Variants in APOH observed in about 807,000 individuals in gnomAD.
APOH encodes apolipoprotein H, also known as beta-2-glycoprotein 1.
In APOH, 48 loss-of-function variants were observed where a neutral mutation model predicts 39.8. The observed-to-expected ratio is 1.21, with a 90% CI of 0.96 to 1.54. The LOEUF (loss-of-function observed/expected upper bound fraction) is 1.54. Ranked by LOEUF, APOH falls within the 40% of genes most tolerant of loss-of-function variation. APOH has a pLI of 0.00. For synonymous variants in APOH, 153 were observed against 151.1 expected (o/e 1.01, Z -0.09); for missense variants, 415 against 421.2 (o/e 0.99, Z 0.13).
Position 66,224,675 on chromosome 17 carries a change from AGGGAAG to A in APOH, c.339-907_339-902del, listed in dbSNP as rs2073426128. 5.0e-4 allele frequency among the ~76,000 whole-genome samples: 24 copies of A among 47,608 alleles called. 2 individuals carry two copies. Among genetic ancestry groups the A allele is most frequent in the African/African-American group, 2.6e-3 (24 of 9,228 alleles). The allele number at this position is 47,608 out of a possible 152,430, so 31.2% of individuals were successfully genotyped here. A position where few individuals can be genotyped will look rare whatever the true frequency, so the allele number is the denominator to read the frequency against. On this transcript the variant is annotated intron_variant, in intron 3 of 7. Transcript: ENST00000205948. ...AGGGAAGGGAAGGGAAGGGAAGGGA[AGGGAAG>A]GGAAGGGAAGGGAAAGGAAAGGAAA...
At chr17:66,220,772 G>T in intron 4 of APOH, 30 bp from the exon 5 acceptor site, 1 of 1,561,428 alleles carries the variant, frequency 6.4e-7, no homozygotes, top group Non-Finnish European at 8.7e-7. Context: ...TCATTTCTAT[G>T]AAAATAGTTA....
intron 6 of APOH, among the ~76,000 whole-genome samples, chr17:66,215,672 G>T (rs2073360864): frequency 6.6e-6 from 1 of 152,106 alleles, no homozygotes; most frequent in Non-Finnish European, 1.5e-5. Context: ...GGCTGTTGTT[G>T]TTCTTTACTT....
In APOH at chr17:66,220,758, A is replaced by G; in HGVS notation, c.416-16T>C. On this transcript the variant is annotated splice_polypyrimidine_tract_variant and intron_variant, in intron 4 of 7. Transcript: ENST00000205948. The stretch of plus-strand genomic sequence containing the variant: ...CAGATGATGGCTGGGAAAATAAAGA[A>G]CTATCATTTCTATGAAAATAGTTAA... The G allele has an allele frequency of 1.3e-6, 2 of 1,591,322 alleles. No homozygotes were observed. Among genetic ancestry groups the G allele is most frequent in the South Asian group, 1.1e-5 (1 of 88,948 alleles).
At chr17:66,220,865 A>T (rs2073394151) in intron 4 of APOH, 123 bp from the exon 5 acceptor site, 1 of 1,067,842 alleles carries the variant, frequency 9.4e-7, no homozygotes, top group Non-Finnish European at 1.3e-6. Context: ...TCAAATTAGC[A>T]GGGTAAAAAT....
chr17:66,225,109 C>A (rs971327856), intron 3 of APOH, among the ~76,000 whole-genome samples: 1 of 151,778 alleles, frequency 6.6e-6, no homozygotes, highest in Non-Finnish European at 1.5e-5. Flanking sequence ...GTCTTCGAAG[C>A]CAATTTTCTT....
intron 6 of APOH, among the ~76,000 whole-genome samples, chr17:66,216,578 G>C (rs1450814845): frequency 6.6e-6 from 1 of 152,056 alleles, no homozygotes; most frequent in Non-Finnish European, 1.5e-5. Context: ...GCTTACAAAG[G>C]ATCTGTTTAT....
intron 4 of APOH, among the ~76,000 whole-genome samples, chr17:66,222,555 A>G (rs2073408836): frequency 6.9e-6 from 1 of 144,108 alleles, no homozygotes; most frequent in African/African-American, 2.6e-5. Flanking sequence ...AAATTGCTTT[A>G]CTTTCCACTT....
intron 4 of APOH, among the ~76,000 whole-genome samples, chr17:66,221,247 GAA>G (rs1429085210): frequency 1.6e-5 from 2 of 127,522 alleles, no homozygotes; most frequent in Non-Finnish European, 3.3e-5. Context: ...AAGACAGAAA[GAA>G]AGAGAGAGAG....
In APOH at chr17:66,217,351, C is replaced by CCA. The variant is rs2073372018; in HGVS notation, c.605-385_605-384insTG. On this transcript the variant is annotated intron_variant, in intron 5 of 7. Transcript: ENST00000205948. Reference sequence around the variant, plus strand: ...TTAAAATGCAAAGACTGAACCCCCCCCCCCATTCACACTTAGTACACCATT... The same window carrying CCA: ...TTAAAATGCAAAGACTGAACCCCCCCCACCCCATTCACACTTAGTACACCATT... Among the ~76,000 whole-genome samples the CCA allele has an allele frequency of 2.8e-5, 4 of 145,316 alleles. No homozygotes were observed. The South Asian group carries it at 9.5e-4, about 34-fold the overall frequency.
intron 2 of APOH, among the ~76,000 whole-genome samples, chr17:66,226,891 A>AT (rs1314489486): frequency 1.3e-3 from 128 of 96,646 alleles, no homozygotes; most frequent in African/African-American, 6.9e-3. Context: ...TTATTTATTT[A>AT]TTTATTTTTT....
chr17:66,226,930 C>T (rs1010145963), intron 2 of APOH, among the ~76,000 whole-genome samples: 6 of 151,424 alleles, frequency 4.0e-5, no homozygotes, highest in African/African-American at 1.2e-4. Context: ...ACTCTGCTGC[C>T]CAGGCTGGAG....
intron 7 of APOH, among the ~76,000 whole-genome samples, chr17:66,213,337 C>T (rs1437859992): frequency 2.6e-5 from 4 of 152,240 alleles, no homozygotes; most frequent in African/African-American, 9.6e-5. Context: ...TTATCTCACA[C>T]AAACCTGGTA....
chr17:66,220,728 G>A lies in APOH; in HGVS notation c.430C>T (p.Pro144Ser). The A allele has an allele frequency of 1.9e-6, 3 of 1,607,738 alleles. No individual in the cohort carries two copies. The highest frequency in any genetic ancestry group is 2.6e-6 in the Non-Finnish European group (3 of 1,174,864). ...GTTGCAAACGTAGGTATGGATGGTG[G>A]AGGGCAGATGATGGCTGGGAAAATA... ...LPVCAPIICP[P>S]PSIPTFATLR... Residue 144 changes from proline (P) to serine (S), a missense_variant, in exon 5 of 8, where the codon CCA (proline) becomes TCA (serine). Pro to Ser is a moderately conservative substitution (Grantham distance 74). Coordinates refer to ENST00000205948, the MANE Select transcript of APOH (RefSeq NM_000042.3).
chr17:66,224,784 AG>A (rs2073429644), intron 3 of APOH, among the ~76,000 whole-genome samples: 6 of 150,500 alleles, frequency 4.0e-5, no homozygotes, highest in East Asian at 2.0e-4. Flanking sequence ...AAAGGAAAGG[AG>A]CAGGATGCCA....
At chr17:66,222,413 T>C (rs1336881089) in intron 4 of APOH, among the ~76,000 whole-genome samples, 2 of 152,118 alleles carry the variant, frequency 1.3e-5, no homozygotes, top group Non-Finnish European at 2.9e-5. Context: ...ACATAATCGG[T>C]ATAAATCTGT....
chr17:66,218,183 T>C (rs976875502), intron 5 of APOH, among the ~76,000 whole-genome samples: 8 of 152,322 alleles, frequency 5.3e-5, no homozygotes, highest in African/African-American at 1.7e-4. Context: ...CACAGGTTGC[T>C]TACTATTCCA....
Position 66,216,908 on chromosome 17 carries a change from G to C in APOH, c.664C>G (p.Pro222Ala), listed in dbSNP as rs1376575940. 6.2e-7 allele frequency: 1 copy of C among 1,612,568 alleles called. No homozygotes were observed. Among genetic ancestry groups the C allele is most frequent in the Non-Finnish European group, 8.5e-7 (1 of 1,179,432 alleles). Residue 222 changes from proline (P) to alanine (A), a missense_variant, in exon 6 of 8, where the codon CCA becomes GCA. By Grantham distance (27) the Pro-to-Ala change is conservative. Transcript: ENST00000205948. ...GCTTTATCCTTGTAATAAAGTGTTG[G>C]TTTTGCAGGATAGTTCACAAATCCA... ...DNGFVNYPAK[P>A]TLYYKDKATF...
chr17:66,228,800 A>C (rs1049296196), intron 1 of APOH, among the ~76,000 whole-genome samples: 3 of 75,476 alleles, frequency 4.0e-5, no homozygotes, highest in African/African-American at 1.7e-4. Flanking sequence ...ACTCTGTCTC[A>C]AAAAAAAAAA....
chr17:66,226,361 G>A (rs1283367734), intron 2 of APOH, among the ~76,000 whole-genome samples: 1 of 152,210 alleles, frequency 6.6e-6, no homozygotes, highest in Admixed American at 6.5e-5. Flanking sequence ...GGACAGGCGG[G>A]GAGCAGTGGC....
Sources: gnomAD v4.1 joint callset for allele counts (sites outside exome capture counted in the v4.1 genomes callset) on GRCh38, gnomAD v4.1.1 for gene constraint, MANE v1.5 for transcripts, NCBI Gene and HGNC (gene_info 2026-07-23, HGNC 2026-07-21) for gene names.